ABI2: variants seen among roughly 807,000 people sequenced by gnomAD.
ABI2 encodes abelson interactor 2.
In ABI2, 25 loss-of-function variants were observed where a neutral mutation model predicts 59.2. That is an observed-to-expected ratio of 0.42 (90% CI 0.31 to 0.59). ABI2 has a LOEUF of 0.59. Among genes scored for constraint, ABI2 ranks in the 20% least tolerant of loss-of-function variants. ABI2 has a pLI of 0.14. For missense variants in ABI2, 545 were observed against 681.8 expected, an observed-to-expected ratio of 0.80 and a Z score of 2.23; for synonymous variants, 213 against 235.5, an observed-to-expected ratio of 0.90 and a Z score of 0.87.
intron 1 of ABI2, among the ~76,000 whole-genome samples, chr2:203,355,828 TC>T (rs575367834): frequency 0.046 from 1,982 of 43,262 alleles, 57 homozygotes; most frequent in South Asian, 0.21. Context: ...CAAAACTGTC[TC>T]AAAAAAAAAA....
chr2:203,372,480 G>C (rs989676203), intron 2 of ABI2, among the ~76,000 whole-genome samples: 2 of 152,036 alleles, frequency 1.3e-5, no homozygotes, highest in African/African-American at 4.8e-5. Flanking sequence ...GGGCAGAGGG[G>C]CTCCTCACAT....
At position 203,393,900 on chromosome 2, in the gene ABI2, C is replaced by G. The variant is rs1045758227; in HGVS notation, c.579-800C>G. On this transcript the variant is annotated intron_variant, in intron 5 of 11. Coordinates refer to ENST00000261018, the MANE Select transcript of ABI2 (RefSeq NM_001375670.1). ...CTAATTTCCCCATGTGCATCCTGTT[C>G]CCTGTCATATTTCCTTTCTTCCTCT... 2.0e-5 allele frequency among the ~76,000 whole-genome samples: 3 copies of G among 151,552 alleles called. No individual in the cohort carries two copies. In the East Asian group the frequency reaches 5.8e-4, roughly 29 times the overall value.
intron 1 of ABI2, among the ~76,000 whole-genome samples, chr2:203,337,743 G>T (rs2077119497): frequency 6.6e-6 from 1 of 152,154 alleles, no homozygotes; most frequent in African/African-American, 2.4e-5. Flanking sequence ...ATATTACAAA[G>T]CTATAGGCCT....
chr2:203,404,027 A>G (rs549675619), intron 9 of ABI2, among the ~76,000 whole-genome samples: 26 of 152,060 alleles, frequency 1.7e-4, no homozygotes, highest in Non-Finnish European at 3.4e-4. Flanking sequence ...TGCTGGGATT[A>G]CAGGCGTGAG....
chr2:203,368,995 T>A (rs1314599677), intron 2 of ABI2, among the ~76,000 whole-genome samples: 39 of 121,802 alleles, frequency 3.2e-4, no homozygotes, highest in Non-Finnish European at 5.1e-4. Flanking sequence ...TTTTTTTTTT[T>A]TTTTTTTTTT....
At chr2:203,345,485 A>G (rs1170909145) in intron 1 of ABI2, among the ~76,000 whole-genome samples, 2 of 152,102 alleles carry the variant, frequency 1.3e-5, no homozygotes, top group East Asian at 3.9e-4. Flanking sequence ...ATCTTAGCTC[A>G]CTGCAATCTC....
chr2:203,396,795 C>G lies in ABI2; in HGVS notation c.861C>G (p.Gly287=). ...CCTCTTTCCCCTCAGCCCCTGCTGG[C>G]TCTGCTGGCACTCCTCCCCTTCCTG... is the stretch of plus-strand genomic sequence containing the variant. ...SPPSVFPAPA[G]SAGTPPLPAT... is the part of the protein sequence containing the mutation. The change falls in exon 8 of 12, where the codon GGC becomes GGG. Residue 287 remains glycine, a synonymous_variant. Transcript: ENST00000261018. The G allele has an allele frequency of 6.5e-7, 1 of 1,530,282 alleles. No individual in the cohort carries two copies. The allele number at this position is 1,530,282 out of a possible 1,614,324, so 94.8% of individuals were successfully genotyped here.
intron 1 of ABI2, among the ~76,000 whole-genome samples, chr2:203,360,205 AAAG>A (rs1559214372): frequency 6.6e-6 from 1 of 151,648 alleles, no homozygotes; most frequent in African/African-American, 2.4e-5. Context: ...AAAAAAAAAA[AAAG>A]AAGCAGTTGT....
intron 2 of ABI2, chr2:203,374,692 C>T: frequency 2.7e-6 from 1 of 367,302 alleles, no homozygotes; most frequent in Non-Finnish European, 5.8e-6. Flanking sequence ...ATGAATGATA[C>T]ATAATTTGAA....
chr2:203,379,081 C>A (rs765391719), intron 2 of ABI2, among the ~76,000 whole-genome samples: 27 of 152,098 alleles, frequency 1.8e-4, no homozygotes, highest in Non-Finnish European at 2.9e-5. Flanking sequence ...GAGAAATTCA[C>A]CCTCTGTTAG....
rs770364969 is a variant in ABI2, at chr2:203,380,320, C to A, written c.398C>A (p.Pro133Gln). 6.2e-7 allele frequency: 1 copy of A among 1,607,292 alleles called. No homozygotes were observed. Among genetic ancestry groups the A allele is most frequent in the South Asian group, 1.1e-5 (1 of 89,540 alleles). ...ATTGCTCCAGCCAACCTTGAACGAC[C>A]AGTTCGTTATATTAGAAAACCTATT... ...KIIAPANLER[P>Q]VRYIRKPIDY... Residue 133 changes from proline to glutamine, a missense_variant, in exon 3 of 12, where the codon CCA becomes CAA. This residue lies in a region of ABI2 where 410 missense variants were observed against 435.6 expected (regional missense o/e 0.94). Transcript: ENST00000261018.
rs563663681 is a variant in ABI2 at position 203,402,563 on chromosome 2, A to G, written c.1034-13A>G. 92 of 1,462,386 alleles carry G rather than the reference A, an allele frequency of 6.3e-5. No individual in the cohort carries two copies. Among genetic ancestry groups the G allele is most frequent in the South Asian group, 1.8e-4 (12 of 66,096 alleles). 90.6% of individuals were successfully genotyped at this position (1,462,386 alleles called of 1,614,324 possible). A position where few individuals can be genotyped will look rare whatever the true frequency, so the allele number is the denominator to read the frequency against. ...TCTTTTAATGACATATGTATGTTCTATCTCTTTTTCAGGTCATCCTGTACA... is the reference window on the plus strand; with the variant it reads ...TCTTTTAATGACATATGTATGTTCTGTCTCTTTTTCAGGTCATCCTGTACA... On this transcript the variant is annotated splice_polypyrimidine_tract_variant and intron_variant, in intron 8 of 11. Coordinates refer to ENST00000261018, the MANE Select transcript of ABI2 (RefSeq NM_001375670.1).
intron 2 of ABI2, among the ~76,000 whole-genome samples, chr2:203,373,364 G>GAGGC (rs1304131534): frequency 6.6e-6 from 1 of 152,234 alleles, no homozygotes; most frequent in African/African-American, 2.4e-5. Flanking sequence ...TCGGCAGGCT[G>GAGGC]AGGCAGGAGA....
intron 1 of ABI2, among the ~76,000 whole-genome samples, chr2:203,364,175 C>A (rs1171571085): frequency 6.6e-6 from 1 of 151,508 alleles, no homozygotes; most frequent in Admixed American, 6.6e-5. Context: ...CTCACTGCAA[C>A]CCCCGCCTCC....
rs1349341638 is a variant in ABI2, at chr2:203,432,161, C to T, written c.*4809C>T. 1 of 152,176 alleles carries T rather than the reference C, an allele frequency of 6.6e-6. No homozygotes were observed. Among genetic ancestry groups the T allele is most frequent in the Non-Finnish European group, 1.5e-5 (1 of 68,028 alleles). The allele number at this position is 152,176 out of a possible 1,614,324, so 9.4% of individuals were successfully genotyped here. On this transcript the variant is annotated 3_prime_UTR_variant, in exon 12 of 12. Transcript: ENST00000261018. Reference sequence around the variant, plus strand: ...AGAACTTGACCTAAATAAAATCCCACAAAGTATATTCAGGTGTCTTGTTAA... The same window carrying T: ...AGAACTTGACCTAAATAAAATCCCATAAAGTATATTCAGGTGTCTTGTTAA...
intron 9 of ABI2, among the ~76,000 whole-genome samples, chr2:203,408,530 A>G (rs1262437901): frequency 6.6e-6 from 1 of 151,820 alleles, no homozygotes; most frequent in Admixed American, 6.6e-5. Flanking sequence ...AGAAATAAGC[A>G]TATTCATCTT....
chr2:203,422,425 A>T (rs1215674701), intron 11 of ABI2, among the ~76,000 whole-genome samples: 1 of 152,220 alleles, frequency 6.6e-6, no homozygotes, highest in Non-Finnish European at 1.5e-5. Flanking sequence ...GACTATGATG[A>T]TGGAGAGAAG....
chr2:203,399,564 G>A (rs2153429569), intron 8 of ABI2, among the ~76,000 whole-genome samples: 1 of 152,288 alleles, frequency 6.6e-6, no homozygotes, highest in Non-Finnish European at 1.5e-5. Flanking sequence ...TGTCCAGGCT[G>A]GAGTGCAATG....
intron 1 of ABI2, among the ~76,000 whole-genome samples, chr2:203,333,674 A>G (rs2075039943): frequency 6.6e-6 from 1 of 152,250 alleles, no homozygotes; most frequent in East Asian, 1.9e-4. Flanking sequence ...GTGACAAATC[A>G]GTCATCTTCA....
Sources: allele counts gnomAD v4.1 joint callset (sites outside exome capture counted in the v4.1 genomes callset), GRCh38; gene constraint gnomAD v4.1.1; regional missense constraint gnomAD v4.1.1; transcripts MANE v1.5; gene names NCBI Gene and HGNC (gene_info 2026-07-23, HGNC 2026-07-21).